RELCH: variants seen among roughly 807,000 people sequenced by gnomAD.
RELCH encodes RAB11 binding and LisH domain, coiled-coil and HEAT repeat containing.
In RELCH, 41 loss-of-function variants were observed where a neutral mutation model predicts 150.3. The ratio of observed to expected loss-of-function variants is 0.27; its 90% CI spans 0.21 to 0.35. RELCH has a LOEUF of 0.35. Ranked by LOEUF, RELCH falls within the 10% of genes least tolerant of loss-of-function variation. RELCH has a pLI of 1.00. For missense variants in RELCH, 1,092 were observed against 1,467.8 expected, an observed-to-expected ratio of 0.74 and a Z score of 4.18; for synonymous variants, 478 against 531.8, an observed-to-expected ratio of 0.90 and a Z score of 1.39.
rs181701851 is a variant in RELCH at position 62,187,574 on chromosome 18, T to G, written c.69T>G (p.Asp23Glu). The change falls in exon 1 of 29, where the codon GAT (aspartate) becomes GAG (glutamate). Residue 23 changes from aspartate (D) to glutamate (E), a missense_variant. Around this residue, in one of 4 missense-constraint regions of RELCH, gnomAD observed 138 missense variants for 124.8 expected, o/e 1.11. Transcript: ENST00000644646. The part of the protein sequence containing the change: ...GGVNPFLSDS[D>E]EDDDEVAATE... ...TGAATCCATTTCTCAGTGATTCGGA[T>G]GAGGACGATGACGAGGTAGCTGCAA... 4 of 1,523,278 alleles carry G rather than the reference T, an allele frequency of 2.6e-6. No individual in the cohort carries two copies. The South Asian group carries it at 3.9e-5, about 15-fold the overall frequency. The allele number at this position is 1,523,278 out of a possible 1,614,324, so 94.4% of individuals were successfully genotyped here. A position where few individuals can be genotyped will look rare whatever the true frequency, so the allele number is the denominator to read the frequency against.
chr18:62,291,503 A>G (rs1017725372), intron 26 of RELCH, 40 bp from the exon 27 acceptor site: 16 of 1,247,000 alleles, frequency 1.3e-5, no homozygotes, highest in Admixed American at 5.6e-5. Context: ...GGACATACCA[A>G]TTTGGTTTTG....
chr18:62,245,367 T>TA (rs1300985993), intron 11 of RELCH, among the ~76,000 whole-genome samples: 4 of 152,212 alleles, frequency 2.6e-5, no homozygotes, highest in Admixed American at 1.3e-4. Context: ...CTCATGCCTG[T>TA]AATCCCAGGA....
At chr18:62,263,922 C>A in intron 16 of RELCH, 67 bp from the exon 17 acceptor site, 1 of 1,305,522 alleles carries the variant, frequency 7.7e-7, no homozygotes, top group Non-Finnish European at 1.1e-6. Context: ...ATTTTCCTTT[C>A]AACAGAATAT....
At chr18:62,270,148 T>G (rs1039889433) in intron 20 of RELCH, among the ~76,000 whole-genome samples, 1 of 152,178 alleles carries the variant, frequency 6.6e-6, no homozygotes, top group African/African-American at 2.4e-5. Context: ...TCCACATGGC[T>G]TCTGAAGCAG....
chr18:62,187,900 C>G lies in RELCH; in HGVS notation c.395C>G (p.Ser132Cys). 1 of 1,595,878 alleles carries G rather than the reference C, an allele frequency of 6.3e-7. No individual in the cohort carries two copies. Among genetic ancestry groups the G allele is most frequent in the Non-Finnish European group, 8.5e-7 (1 of 1,172,158 alleles). Residue 132 changes from serine to cysteine, a missense_variant, in exon 1 of 29, where the codon TCC becomes TGC. Physicochemically the swap from Ser to Cys is moderately radical, Grantham distance 112. Coordinates refer to ENST00000644646, the MANE Select transcript of RELCH (RefSeq NM_001346231.2). ...RELPRLRDYF[S>C]NPGNFERQSG... ...CTGCCTCGGCTGCGCGACTACTTCTCCAATCCAGGCAACTTCGAGAGGCAA... is the reference window on the plus strand; with the variant it reads ...CTGCCTCGGCTGCGCGACTACTTCTGCAATCCAGGCAACTTCGAGAGGCAA...
rs377313396 is a variant in RELCH at position 62,190,470 on chromosome 18, G to A, written c.526+2439G>A. On this transcript the variant is annotated intron_variant, in intron 1 of 28. Transcript: ENST00000644646. ...TGGGCACCTGTAATCCCAGCTACAC[G>A]GGAGACTGAGGCAGGAGAATTGCTT... is the stretch of plus-strand genomic sequence containing the variant. 9.2e-5 allele frequency among the ~76,000 whole-genome samples: 14 copies of A among 152,184 alleles called. No individual in the cohort carries two copies. The East Asian group carries it at 1.4e-3, about 15-fold the overall frequency.
chr18:62,291,733 T>A (rs931506714), intron 27 of RELCH, 102 bp downstream of exon 27: 10 of 714,458 alleles, frequency 1.4e-5, no homozygotes, highest in African/African-American at 7.5e-5. Flanking sequence ...GTAATTTTTT[T>A]AAATCTAGCT....
intron 1 of RELCH, among the ~76,000 whole-genome samples, chr18:62,193,125 A>G (rs1045548303): frequency 7.9e-5 from 12 of 152,088 alleles, no homozygotes; most frequent in Non-Finnish European, 1.3e-4. Flanking sequence ...TATTCTCTTC[A>G]TAGCATTTAT....
intron 1 of RELCH, among the ~76,000 whole-genome samples, chr18:62,191,769 C>T (rs542839245): frequency 6.6e-6 from 1 of 152,254 alleles, no homozygotes; most frequent in Non-Finnish European, 1.5e-5. Context: ...GTGCATGTAT[C>T]ACATTTTCTT....
At position 62,274,007 on chromosome 18, in the gene RELCH, T is replaced by G. The variant is rs1258786688; in HGVS notation, c.2788T>G (p.Phe930Val). 6.2e-7 allele frequency: 1 copy of G among 1,612,746 alleles called. No individual in the cohort carries two copies. Among genetic ancestry groups the G allele is most frequent in the Non-Finnish European group, 8.5e-7 (1 of 1,179,048 alleles). Residue 930 changes from phenylalanine to valine, a missense_variant, in exon 21 of 29, where the codon TTC becomes GTC. Phe to Val is a conservative substitution (Grantham distance 50). This residue lies in a region of RELCH where 707 missense variants were observed against 1,025.4 expected (regional missense o/e 0.69). Coordinates refer to ENST00000644646, the MANE Select transcript of RELCH (RefSeq NM_001346231.2). ...QEEDRKLLVG[F>V]LEDVMTLLSL... ...AGAAGACCGAAAACTGTTAGTTGGA[T>G]TCTTAGAAGATGTAATGACGCTGCT...
Position 62,228,348 on chromosome 18 carries a change from G to A in RELCH, c.1198G>A (p.Val400Ile). 1 of 1,613,126 alleles carries A rather than the reference G, an allele frequency of 6.2e-7. No individual in the cohort carries two copies. The highest frequency in any genetic ancestry group is 8.5e-7 in the Non-Finnish European group (1 of 1,179,486). ...AAATGAACACTTTGCCATCCCAGCAGTTTGTGACTCTGTTCAGCCTCCTTT... is the reference window on the plus strand; with the variant it reads ...AAATGAACACTTTGCCATCCCAGCAATTTGTGACTCTGTTCAGCCTCCTTT... ...LKNEHFAIPA[V>I]CDSVQPPLDQ... The change falls in exon 8 of 29, where the codon GTT (valine) becomes ATT (isoleucine). Residue 400 changes from valine to isoleucine, a missense_variant. Physicochemically the swap from Val to Ile is conservative, Grantham distance 29 (BLOSUM62 3). Around this residue, in one of 4 missense-constraint regions of RELCH, gnomAD observed 707 missense variants for 1,025.4 expected, o/e 0.69. Transcript: ENST00000644646.
rs1380221258 is a variant in RELCH, at chr18:62,230,102, G to A, written c.1449-1092G>A. On this transcript the variant is annotated intron_variant, in intron 8 of 28. Coordinates refer to ENST00000644646, the MANE Select transcript of RELCH (RefSeq NM_001346231.2). Reference sequence around the variant, plus strand: ...TATATTCAGACATTGGTAATGGGAAGGGAAAGAAGTATATGGATCTGCAAG... The same window carrying A: ...TATATTCAGACATTGGTAATGGGAAAGGAAAGAAGTATATGGATCTGCAAG... Among the ~76,000 whole-genome samples, 5 of 152,060 alleles carry A rather than the reference G, an allele frequency of 3.3e-5. 1 individual carries two copies. Among genetic ancestry groups the A allele is most frequent in the South Asian group, 4.1e-4 (2 of 4,826 alleles).
chr18:62,249,837 A>G (rs2042607405), intron 11 of RELCH, among the ~76,000 whole-genome samples: 1 of 151,968 alleles, frequency 6.6e-6, no homozygotes, highest in South Asian at 2.1e-4. Flanking sequence ...ATTATTAGCT[A>G]TGTGTTATAT....
intron 10 of RELCH, among the ~76,000 whole-genome samples, chr18:62,236,459 G>A (rs572021458): frequency 6.6e-6 from 1 of 151,802 alleles, no homozygotes; most frequent in South Asian, 2.1e-4. Flanking sequence ...TTTGGTATTG[G>A]GCTAAGGCTG....
At chr18:62,191,379 G>C (rs1290859590) in intron 1 of RELCH, among the ~76,000 whole-genome samples, 1 of 152,002 alleles carries the variant, frequency 6.6e-6, no homozygotes, top group Non-Finnish European at 1.5e-5. Context: ...TGTGCCTTTT[G>C]CTTAGTATAT....
chr18:62,247,542 G>A (rs957402664), intron 11 of RELCH: 3 of 148,714 alleles, frequency 2.0e-5, no homozygotes, highest in African/African-American at 7.4e-5. Context: ...TATTATAAGC[G>A]ATTTTTTTTT....
chr18:62,240,166 A>G (rs1218527059), intron 10 of RELCH, among the ~76,000 whole-genome samples: 1 of 151,986 alleles, frequency 6.6e-6, no homozygotes, highest in African/African-American at 2.4e-5. Context: ...CTTGACAAGT[A>G]GAGTACTGAT....
chr18:62,227,265 TTA>T, intron 5 of RELCH, 22 bp from the exon 6 acceptor site: 1 of 1,454,082 alleles, frequency 6.9e-7, no homozygotes. Context: ...CGAAGATTTT[TTA>T]TGTTTTTTTT....
At chr18:62,198,923 A>T (rs1368361495) in intron 1 of RELCH, among the ~76,000 whole-genome samples, 1 of 152,006 alleles carries the variant, frequency 6.6e-6, no homozygotes, top group Non-Finnish European at 1.5e-5. Context: ...GGCTATGTAT[A>T]ATAAAGTTAT....
Sources: allele counts gnomAD v4.1 joint callset (sites outside exome capture counted in the v4.1 genomes callset), GRCh38; gene constraint gnomAD v4.1.1; regional missense constraint gnomAD v4.1.1; transcripts MANE v1.5; gene names NCBI Gene and HGNC (gene_info 2026-07-23, HGNC 2026-07-21).